The following ADCY9 variants were observed in gnomAD, a reference collection of about 807,000 sequenced individuals.
ADCY9 encodes the protein adenylate cyclase 9, also known as adenylate cyclase type 9.
Under a neutral mutation model 101.5 loss-of-function variants are expected in ADCY9, and 50 were observed. That is an observed-to-expected ratio of 0.49 (90% confidence interval 0.39 to 0.62). ADCY9 has a LOEUF of 0.62. Ranked by LOEUF, ADCY9 falls within the 20% of genes least tolerant of loss-of-function variation. The pLI, the probability that ADCY9 is intolerant of heterozygous loss-of-function variation, is 0.00. For missense variants in ADCY9, 1,662 were observed against 1,800.4 expected (o/e 0.92, Z 1.39); for synonymous variants, 905 against 769.3 (o/e 1.18, Z -2.92).
chr16:3,969,615 T>TATACGTAG (rs2056033927), intron 10 of ADCY9, among the ~76,000 whole-genome samples: 1 of 88,458 alleles, frequency 1.1e-5, no homozygotes, highest in African/African-American at 7.0e-5. Flanking sequence ...TATATGTATT[T>TATACGTAG]TTTTTTTTTT....
At chr16:4,097,076 C>T (rs1390309005) in intron 2 of ADCY9, among the ~76,000 whole-genome samples, 6 of 152,194 alleles carry the variant, frequency 3.9e-5, no homozygotes, top group Admixed American at 2.0e-4. Flanking sequence ...AAATCTCCAT[C>T]TTACAAAGCT....
At chr16:4,042,636 A>G (rs2041246) in intron 2 of ADCY9, among the ~76,000 whole-genome samples, 1 of 152,206 alleles carries the variant, frequency 6.6e-6, no homozygotes, top group Admixed American at 6.6e-5. Context: ...AATTATCTGA[A>G]AGAGTGGAAA....
At chr16:3,967,425 T>C (rs1597132589) in intron 10 of ADCY9, among the ~76,000 whole-genome samples, 1 of 152,122 alleles carries the variant, frequency 6.6e-6, no homozygotes, top group Admixed American at 6.6e-5. Flanking sequence ...AGAGACATGG[T>C]TGTTGTCCAG....
chr16:4,098,216 G>A (rs945906191), intron 2 of ADCY9, among the ~76,000 whole-genome samples: 2 of 151,662 alleles, frequency 1.3e-5, no homozygotes, highest in South Asian at 2.1e-4. Context: ...TTTGGTTTGG[G>A]ATTTTTTGTT....
chr16:4,091,543 G>C (rs1360341513), intron 2 of ADCY9, among the ~76,000 whole-genome samples: 1 of 152,164 alleles, frequency 6.6e-6, no homozygotes, highest in Non-Finnish European at 1.5e-5. Flanking sequence ...CAATAGCCAA[G>C]AGGCAGAAAC....
At chr16:4,081,834 C>T (rs190288822) in intron 2 of ADCY9, among the ~76,000 whole-genome samples, 10 of 121,960 alleles carry the variant, frequency 8.2e-5, no homozygotes, top group South Asian at 5.4e-4. Flanking sequence ...GGGAGGAGGG[C>T]GCTGTGTCTG....
At chr16:4,010,782 G>T (rs1000416438) in intron 2 of ADCY9, among the ~76,000 whole-genome samples, 5 of 151,876 alleles carry the variant, frequency 3.3e-5, no homozygotes, top group African/African-American at 1.2e-4. Flanking sequence ...AAGTTCAGGC[G>T]TTGTGGAGTG....
intron 5 of ADCY9, 99 bp from the exon 6 acceptor site, chr16:3,989,195 A>G (rs1039286526): frequency 1.2e-6 from 1 of 843,428 alleles, no homozygotes; most frequent in African/African-American, 1.7e-5. Flanking sequence ...CTCATTAGGT[A>G]TATTACAACA....
intron 2 of ADCY9, among the ~76,000 whole-genome samples, chr16:4,059,107 C>A (rs538808069): frequency 2.0e-5 from 3 of 151,900 alleles, no homozygotes; most frequent in Non-Finnish European, 4.4e-5. Flanking sequence ...AAAAACCGGC[C>A]GTGCACGATG....
intron 2 of ADCY9, among the ~76,000 whole-genome samples, chr16:4,107,910 A>C (rs2057088312): frequency 6.6e-6 from 1 of 152,206 alleles, no homozygotes. Flanking sequence ...CTCTAAGGCA[A>C]AGGTCTCGAT....
intron 8 of ADCY9, among the ~76,000 whole-genome samples, chr16:3,978,621 C>A (rs1370943477): frequency 6.6e-6 from 1 of 152,230 alleles, no homozygotes; most frequent in African/African-American, 2.4e-5. Context: ...ACTGCCCGGG[C>A]GTGAGCATCT....
chr16:4,097,545 ATATATATATT>A (rs2057014275), intron 2 of ADCY9, among the ~76,000 whole-genome samples: 3 of 53,340 alleles, frequency 5.6e-5, no homozygotes, highest in African/African-American at 2.5e-4. Flanking sequence ...ATATATATAT[ATATATATATT>A]TTTTTTTTTT....
downstream of ADCY9, among the ~76,000 whole-genome samples, chr16:3,959,799 G>C (rs193005308): frequency 4.6e-5 from 7 of 152,134 alleles, no homozygotes; most frequent in Non-Finnish European, 1.0e-4. Flanking sequence ...GCCAAGGCAG[G>C]TGGATCACCT....
chr16:4,010,048 GGGAGGT>G (rs2056393405), intron 2 of ADCY9, among the ~76,000 whole-genome samples: 1 of 152,170 alleles, frequency 6.6e-6, no homozygotes, highest in Non-Finnish European at 1.5e-5. Flanking sequence ...TTTTTTTGAT[GGGAGGT>G]AGGAAAAGTT....
rs1174337540 is a variant in ADCY9, at chr16:3,992,201, T to C, written c.2152A>G (p.Lys718Glu). Reference sequence around the variant, plus strand: ...GCGTCCGTTTTCTCCCGGATGTTCTTGAACCTCAGCGGAAGGAGAGCCGAC... The same window carrying C: ...GCGTCCGTTTTCTCCCGGATGTTCTCGAACCTCAGCGGAAGGAGAGCCGAC... ...DQSALLPLRF[K>E]NIREKTDAHF... The change falls in exon 5 of 11, where the codon AAG becomes GAG. Residue 718 changes from lysine (K) to glutamate (E), a missense_variant. By Grantham distance (56) the Lys-to-Glu change is moderately conservative. Coordinates refer to ENST00000294016, the MANE Select transcript of ADCY9 (RefSeq NM_001116.4). This position sits in a 1 kb window ranked among gnomAD's most constrained non-coding sequence, Gnocchi z 4.2. 2.5e-6 allele frequency: 4 copies of C among 1,614,106 alleles called. No homozygotes were observed. The highest frequency in any genetic ancestry group is 1.7e-5 in the Admixed American group (1 of 60,006).
At chr16:3,998,519 G>C (rs2056304969) in intron 3 of ADCY9, among the ~76,000 whole-genome samples, 1 of 151,776 alleles carries the variant, frequency 6.6e-6, no homozygotes, top group African/African-American at 2.4e-5. Flanking sequence ...GACCATCCTG[G>C]CCAAGATGGT....
chr16:4,013,212 C>T lies in ADCY9; in HGVS notation c.1694-5654G>A, dbSNP rs139154311. ...GCAGTGAGCTGTGAGTGCGCCGTTG[C>T]ACTCCAGCCTGGGCAAGAGAGTGAG... On this transcript the variant is annotated intron_variant, in intron 2 of 10. Coordinates refer to ENST00000294016, the MANE Select transcript of ADCY9 (RefSeq NM_001116.4). Among the ~76,000 whole-genome samples the T allele has an allele frequency of 8.3e-3, 1,255 of 151,402 alleles. 25 individuals carry two copies. The highest frequency in any genetic ancestry group is 0.056 in the South Asian group (269 of 4,778).
intron 5 of ADCY9, among the ~76,000 whole-genome samples, chr16:3,956,768 T>C (rs542381464): frequency 6.6e-6 from 1 of 151,832 alleles, no homozygotes; most frequent in Non-Finnish European, 1.5e-5. Context: ...GTGCTGAGAC[T>C]ACAGGCGTGA....
chr16:4,001,008 C>CACACACACACACACACACACACACACAT (rs3222326), intron 3 of ADCY9, among the ~76,000 whole-genome samples: 1 of 135,626 alleles, frequency 7.4e-6, no homozygotes. Flanking sequence ...CACACACACA[C>CACACACACACACACACACACACACACAT]ATATATAATT....
Sources: allele counts gnomAD v4.1 joint callset (sites outside exome capture counted in the v4.1 genomes callset), GRCh38; gene constraint gnomAD v4.1.1; non-coding constraint Gnocchi (gnomAD v3.1); transcripts MANE v1.5; gene names NCBI Gene and HGNC (gene_info 2026-07-23, HGNC 2026-07-21).